FOXA1: variants seen among roughly 807,000 people sequenced by gnomAD.
The protein encoded by FOXA1 is hepatocyte nuclear factor 3-alpha.
Under a neutral mutation model 29.2 loss-of-function variants are expected in FOXA1, and 9 were observed. The ratio of observed to expected loss-of-function variants is 0.31; its 90% CI spans 0.19 to 0.54. The LOEUF is 0.54. Among genes scored for constraint, FOXA1 ranks in the 20% least tolerant of loss-of-function variants. The pLI is 0.95. For missense variants in FOXA1, 644 were observed against 681.2 expected, an observed-to-expected ratio of 0.95 and a Z score of 0.61; for synonymous variants, 340 against 300.9, an observed-to-expected ratio of 1.13 and a Z score of -1.34.
At chr14:37,594,216 C>T (rs1186849678) in intron 1 of FOXA1, 1 of 1,282,724 alleles carries the variant, frequency 7.8e-7, no homozygotes, top group Non-Finnish European at 1.0e-6. Context: ...GGTAGTCCTC[C>T]CTGTAACTGG....
In FOXA1 at chr14:37,591,320, T is replaced by C; in HGVS notation, c.*45A>G. On this transcript the variant is annotated 3_prime_UTR_variant, in exon 2 of 2. Coordinates refer to ENST00000250448, the MANE Select transcript of FOXA1 (RefSeq NM_004496.5). ...TGTTTGCTGTTGATTTTTTCTCTCT[T>C]GCTACCAGCATGGCTATGCCAGACA... 1 of 1,607,358 alleles carries C rather than the reference T, an allele frequency of 6.2e-7. No homozygotes were observed. The highest frequency in any genetic ancestry group is 1.7e-4 in the Middle Eastern group (1 of 6,010).
rs201646206 is a variant in FOXA1 at position 37,591,750 on chromosome 14, C to G, written c.1034G>C (p.Gly345Ala). ...GGCTGGAGTCTTCAACTCCGAGGCGCCCCCTGTCGCCGTCGCCCCACTGTG... is the reference window on the plus strand; with the variant it reads ...GGCTGGAGTCTTCAACTCCGAGGCGGCCCCTGTCGCCGTCGCCCCACTGTG... ...LDHSGATATGGASELKTPASS... is the reference protein window; with the variant it reads ...LDHSGATATGAASELKTPASS... The change falls in exon 2 of 2, where the codon GGC (glycine) becomes GCC (alanine). Residue 345 changes from glycine to alanine, a missense_variant. By Grantham distance (60) the Gly-to-Ala change is moderately conservative. This residue lies in a region of FOXA1 where 295 missense variants were observed against 294.4 expected (regional missense o/e 1.00). Transcript: ENST00000250448. 2.0e-5 allele frequency: 31 copies of G among 1,544,468 alleles called. No homozygotes were observed. The African/African-American group carries it at 4.1e-4, about 20-fold the overall frequency.
intron 1 of FOXA1, 83 bp from the exon 2 acceptor site, chr14:37,592,794 C>T (rs1198640501): frequency 5.8e-6 from 9 of 1,561,564 alleles, no homozygotes; most frequent in Admixed American, 3.3e-5. Context: ...GGGACCTAAC[C>T]CGGGGGCAAG....
At position 37,592,780 on chromosome 14, in the gene FOXA1, G is replaced by A. The variant is rs1260233506; in HGVS notation, c.73-69C>T. On this transcript the variant is annotated intron_variant, in intron 1 of 1. Transcript: ENST00000250448. ...TAGTGGTGGGCACTGGAGGGCGGCC[G>A]TCCGGGACCTAACCCGGGGGCAAGT... 11 of 1,586,178 alleles carry A rather than the reference G, an allele frequency of 6.9e-6. No homozygotes were observed. The East Asian group carries it at 1.3e-4, about 19-fold the overall frequency.
intron 1 of FOXA1, chr14:37,594,661 C>T (rs952960168): frequency 9.1e-6 from 2 of 220,600 alleles, no homozygotes; most frequent in African/African-American, 2.3e-5. Flanking sequence ...TTTCAAAGCC[C>T]GGAGTTTCCT....
chr14:37,595,034 G>A lies in FOXA1; in HGVS notation c.-62C>T. 1.4e-6 allele frequency: 2 copies of A among 1,476,494 alleles called. No homozygotes were observed. Among genetic ancestry groups the A allele is most frequent in the South Asian group, 1.2e-5 (1 of 82,746 alleles). 91.5% of individuals were successfully genotyped at this position (1,476,494 alleles called of 1,614,324 possible). ...TGTGCGAAGCGACGGGCGGCCGCGC[G>A]GCGCGGGGCGGGGGAGGGGAGCTGA... On this transcript the variant is annotated 5_prime_UTR_variant, in exon 1 of 2. Coordinates refer to ENST00000250448, the MANE Select transcript of FOXA1 (RefSeq NM_004496.5).
In FOXA1 at chr14:37,592,626, A is replaced by T; in HGVS notation, c.158T>A (p.Met53Lys). ...CGGGGTCATGTTGCCGCTCGTAGTC[A>T]TGGTGTTCATGGTCATGTAGGTGTT... ...SMNTYMTMNTMTTSGNMTPAS... is the reference protein window; with the variant it reads ...SMNTYMTMNTKTTSGNMTPAS... Residue 53 changes from methionine (M) to lysine (K), a missense_variant, in exon 2 of 2, where the codon ATG (methionine) becomes AAG (lysine). Met to Lys is a moderately conservative substitution (Grantham distance 95). Around this residue, in one of 5 missense-constraint regions of FOXA1, gnomAD observed 309 missense variants for 307.0 expected, o/e 1.01. Coordinates refer to ENST00000250448, the MANE Select transcript of FOXA1 (RefSeq NM_004496.5). 6.2e-7 allele frequency: 1 copy of T among 1,614,170 alleles called. No homozygotes were observed. The highest frequency in any genetic ancestry group is 8.5e-7 in the Non-Finnish European group (1 of 1,180,038).
chr14:37,590,941 G>T lies in FOXA1; in HGVS notation c.*424C>A, dbSNP rs2139179082. On this transcript the variant is annotated 3_prime_UTR_variant, in exon 2 of 2. Coordinates refer to ENST00000250448, the MANE Select transcript of FOXA1 (RefSeq NM_004496.5). Reference sequence around the variant, plus strand: ...TGCCACAGACCTGTAAACTCGTAGGGGGTCAGGTAAGGAGGGGGAAAAAGC... The same window carrying T: ...TGCCACAGACCTGTAAACTCGTAGGTGGTCAGGTAAGGAGGGGGAAAAAGC... 2.6e-6 allele frequency: 1 copy of T among 379,436 alleles called. No individual in the cohort carries two copies. The allele number at this position is 379,436 out of a possible 1,614,324, so 23.5% of individuals were successfully genotyped here. A position where few individuals can be genotyped will look rare whatever the true frequency, so the allele number is the denominator to read the frequency against.
At chr14:37,593,656 T>C (rs926039178) in intron 1 of FOXA1, among the ~76,000 whole-genome samples, 5 of 152,202 alleles carry the variant, frequency 3.3e-5, no homozygotes, top group Non-Finnish European at 5.9e-5. Context: ...TGTAAGAAAG[T>C]ACTTTCGCTA....
Position 37,591,831 on chromosome 14 carries a change from C to G in FOXA1, c.953G>C (p.Gly318Ala), listed in dbSNP as rs2139180932. ...GGGGGCCGGCGCGCCCTCTAGCTGG[C>G]CGGTCTTCCCGTGCACACCCCGATG... ...PLHRGVHGKT[G>A]QLEGAPAPGP... Residue 318 changes from glycine to alanine, a missense_variant, in exon 2 of 2, where the codon GGC (glycine) becomes GCC (alanine). Coordinates refer to ENST00000250448, the MANE Select transcript of FOXA1 (RefSeq NM_004496.5). 1 of 1,455,100 alleles carries G rather than the reference C, an allele frequency of 6.9e-7. No homozygotes were observed. Among genetic ancestry groups the G allele is most frequent in the African/African-American group, 1.4e-5 (1 of 70,064 alleles). 90.1% of individuals were successfully genotyped at this position (1,455,100 alleles called of 1,614,324 possible).
At position 37,592,608 on chromosome 14, in the gene FOXA1, A is replaced by G. The variant is rs887208594; in HGVS notation, c.176T>C (p.Met59Thr). ...GGACATGTTGAAGGACGCCGGGGTC[A>G]TGTTGCCGCTCGTAGTCATGGTGTT... is the stretch of plus-strand genomic sequence containing the variant. ...TMNTMTTSGN[M>T]TPASFNMSYA... The change falls in exon 2 of 2, where the codon ATG becomes ACG. Residue 59 changes from methionine (M) to threonine (T), a missense_variant. Physicochemically the swap from Met to Thr is moderately conservative, Grantham distance 81 (BLOSUM62 -1). Coordinates refer to ENST00000250448, the MANE Select transcript of FOXA1 (RefSeq NM_004496.5). The G allele has an allele frequency of 1.9e-6, 3 of 1,614,098 alleles. No individual in the cohort carries two copies. Among genetic ancestry groups the G allele is most frequent in the Non-Finnish European group, 2.5e-6 (3 of 1,180,050 alleles).
chr14:37,591,702 C>A lies in FOXA1; in HGVS notation c.1082G>T (p.Ser361Ile), dbSNP rs1287331628. ...AGAGGCCAGCGCCCCGGGCCCGGAG[C>A]TTATGGGGGGCGCAGTTGAGGAGGC... ...TPASSTAPPI[S>I]SGPGALASVP... The change falls in exon 2 of 2, where the codon AGC becomes ATC. Residue 361 changes from serine to isoleucine, a missense_variant. Around this residue, in one of 5 missense-constraint regions of FOXA1, gnomAD observed 295 missense variants for 294.4 expected, o/e 1.00. Coordinates refer to ENST00000250448, the MANE Select transcript of FOXA1 (RefSeq NM_004496.5). The A allele has an allele frequency of 2.5e-6, 4 of 1,582,800 alleles. No individual in the cohort carries two copies. In the East Asian group the frequency reaches 9.2e-5, roughly 37 times the overall value.
rs2139181282 is a variant in FOXA1 at position 37,591,914 on chromosome 14, G to A, written c.870C>T (p.Gly290=). The change falls in exon 2 of 2, where the codon GGC becomes GGT. Residue 290 remains glycine (G), a synonymous_variant. Transcript: ENST00000250448. ...CAGAGGGGTCCTTGCGGCTCTCAGG[G>A]CCGCCCTTGGCGCCGCTGCCCCCGC... ...SGSGGSGAKG[G]PESRKDPSGA... is the part of the protein sequence containing the mutation. 2 of 1,478,698 alleles carry A rather than the reference G, an allele frequency of 1.4e-6. No homozygotes were observed. The highest frequency in any genetic ancestry group is 1.8e-6 in the Non-Finnish European group (2 of 1,119,254). The allele number at this position is 1,478,698 out of a possible 1,614,324, so 91.6% of individuals were successfully genotyped here.
intron 1 of FOXA1, 129 bp downstream of exon 1, chr14:37,594,772 C>G: frequency 8.4e-6 from 4 of 473,448 alleles, no homozygotes; most frequent in Non-Finnish European, 6.1e-6. Flanking sequence ...GGCGGGCGGG[C>G]AGCGGTGGCA....
rs368999230 is a variant in FOXA1 at position 37,589,562 on chromosome 14, C to T, written c.*1803G>A. Among the ~76,000 whole-genome samples the T allele has an allele frequency of 3.7e-4, 57 of 152,208 alleles. No homozygotes were observed. The South Asian group carries it at 0.012, about 32-fold the overall frequency. On this transcript the variant is annotated 3_prime_UTR_variant, in exon 2 of 2. Coordinates refer to ENST00000250448, the MANE Select transcript of FOXA1 (RefSeq NM_004496.5). ...GTTCATGAGTCTCCGTTGGACACAA[C>T]TTAATTCTATCAGCCACAGCTGATA...
intron 1 of FOXA1, chr14:37,593,731 G>A (rs2095598738): frequency 6.5e-6 from 1 of 153,346 alleles, no homozygotes; most frequent in African/African-American, 2.4e-5. Context: ...GAAGACCTCT[G>A]AGCTCCTTTT....
At position 37,591,455 on chromosome 14, in the gene FOXA1, C is replaced by G; in HGVS notation, c.1329G>C (p.Ser443=). 1 of 1,614,164 alleles carries G rather than the reference C, an allele frequency of 6.2e-7. No individual in the cohort carries two copies. Among genetic ancestry groups the G allele is most frequent in the Non-Finnish European group, 8.5e-7 (1 of 1,180,046 alleles). The change falls in exon 2 of 2, where the codon TCG becomes TCC. Residue 443 remains serine (S), a synonymous_variant. Coordinates refer to ENST00000250448, the MANE Select transcript of FOXA1 (RefSeq NM_004496.5). ...LPASLPLGSA[S]VTTRSPIEPS... The stretch of plus-strand genomic sequence containing the variant: ...GCTCGATGGGGCTCCTGGTGGTCAC[C>G]GAGGCGCTGCCTAGAGGCAGGCTGG...
At chr14:37,593,088 G>A (rs908783036) in intron 1 of FOXA1, among the ~76,000 whole-genome samples, 10 of 152,212 alleles carry the variant, frequency 6.6e-5, no homozygotes, top group Non-Finnish European at 1.3e-4. Context: ...GCCCTTTGGG[G>A]GGAAATCGTT....
rs374795877 is a variant in FOXA1, at chr14:37,592,522, C to G, written c.262G>C (p.Gly88Arg). Residue 88 changes from glycine to arginine, a missense_variant, in exon 2 of 2, where the codon GGC (glycine) becomes CGC (arginine). Around this residue, in one of 5 missense-constraint regions of FOXA1, gnomAD observed 309 missense variants for 307.0 expected, o/e 1.01. Coordinates refer to ENST00000250448, the MANE Select transcript of FOXA1 (RefSeq NM_004496.5). Reference protein sequence around the residue: ...SPGAVAGMPGGSAGAMNSMTA... With the variant: ...SPGAVAGMPGRSAGAMNSMTA... ...ATGCTGTTCATGGCGCCCGCCGAGC[C>G]CCCCGGCATGCCGGCTACTGCGCCG... is the stretch of plus-strand genomic sequence containing the variant. 1.0e-4 allele frequency: 167 copies of G among 1,613,060 alleles called. No individual in the cohort carries two copies. Among genetic ancestry groups the G allele is most frequent in the Non-Finnish European group, 1.3e-4 (156 of 1,179,686 alleles).
Sources: allele counts gnomAD v4.1 joint callset (sites outside exome capture counted in the v4.1 genomes callset), GRCh38; gene constraint gnomAD v4.1.1; regional missense constraint gnomAD v4.1.1; transcripts MANE v1.5; gene names NCBI Gene and HGNC (gene_info 2026-07-23, HGNC 2026-07-21).